Variants in CYP4X1 observed in about 807,000 individuals in gnomAD.
CYP4X1 encodes the protein cytochrome P450 family 4 subfamily X member 1.
Under a neutral mutation model 57.9 loss-of-function variants are expected in CYP4X1, and 44 were observed. The observed-to-expected ratio is 0.76, with a 90% confidence interval of 0.60 to 0.98. The LOEUF (loss-of-function observed/expected upper bound fraction) is 0.98, where lower values mean the gene tolerates loss of function less well. CYP4X1 is among the 50% of genes least tolerant of loss of function. CYP4X1 has a pLI of 0.00. For synonymous variants in CYP4X1, 227 were observed against 228.6 expected, an observed-to-expected ratio of 0.99 and a Z score of 0.06; for missense variants, 532 against 623.9, an observed-to-expected ratio of 0.85 and a Z score of 1.57.
the CYP4X1 span, among the ~76,000 whole-genome samples, chr1:47,017,178 C>G: frequency 6.6e-6 from 1 of 152,214 alleles, no homozygotes; most frequent in Non-Finnish European, 1.5e-5. Context: ...GTGCAGATAT[C>G]TCTTTGATAT....
At chr1:47,019,494 CTA>C (rs1384426634), upstream of CYP4X1, among the ~76,000 whole-genome samples, 3 of 152,202 alleles carry the variant, frequency 2.0e-5, no homozygotes, top group Non-Finnish European at 4.4e-5. Context: ...GGCACTGGCT[CTA>C]TCAATTTCTA....
At chr1:47,025,052 A>G (rs564556034) in intron 1 of CYP4X1, among the ~76,000 whole-genome samples, 1 of 152,198 alleles carries the variant, frequency 6.6e-6, no homozygotes, top group Non-Finnish European at 1.5e-5. Context: ...ACCAAGCCTC[A>G]TGTTGAAATT....
intron 8 of CYP4X1, 101 bp from the exon 9 acceptor site, chr1:47,046,366 G>A (rs1182147470): frequency 1.1e-5 from 17 of 1,509,480 alleles, no homozygotes; most frequent in African/African-American, 2.8e-5. Context: ...GTGGCAAAAT[G>A]GCTTTAACCT....
chr1:47,039,289 CA>C (rs1644219059), intron 7 of CYP4X1, 52 bp from the exon 8 acceptor site: 1 of 1,470,742 alleles, frequency 6.8e-7, no homozygotes, highest in African/African-American at 1.4e-5. Context: ...GTTGTATCTC[CA>C]AACATTTATA....
chr1:46,990,174 A>G, the CYP4X1 span, among the ~76,000 whole-genome samples: 12 of 152,270 alleles, frequency 7.9e-5, no homozygotes, highest in African/African-American at 2.9e-4. Context: ...AATATCCAGA[A>G]TCTACAAAGA....
the CYP4X1 span, among the ~76,000 whole-genome samples, chr1:46,982,175 C>T: frequency 6.6e-6 from 1 of 152,048 alleles, no homozygotes; most frequent in Non-Finnish European, 1.5e-5. Context: ...AATTATTGTA[C>T]TATGTTTTTT....
At chr1:46,979,051 T>A in the CYP4X1 span, among the ~76,000 whole-genome samples, 1 of 151,866 alleles carries the variant, frequency 6.6e-6, no homozygotes, top group Non-Finnish European at 1.5e-5. Flanking sequence ...TCTCCTAACA[T>A]CACAATTAAA....
the CYP4X1 span, among the ~76,000 whole-genome samples, chr1:47,008,917 A>G: frequency 6.6e-6 from 1 of 152,250 alleles, no homozygotes; most frequent in African/African-American, 2.4e-5. Flanking sequence ...CCAGATTCAT[A>G]AAGCAAGTCC....
At chr1:46,967,698 A>G in the CYP4X1 span, 1 of 877,840 alleles carries the variant, frequency 1.1e-6, no homozygotes, top group Middle Eastern at 3.0e-4. Context: ...TGTCCCCACA[A>G]TGGTTAGGGA....
At chr1:47,025,096 A>C (rs1017969376) in intron 1 of CYP4X1, among the ~76,000 whole-genome samples, 4 of 152,032 alleles carry the variant, frequency 2.6e-5, no homozygotes, top group Admixed American at 6.5e-5. Flanking sequence ...ATCTGATGGG[A>C]GATCTTTGGG....
intron 4 of CYP4X1, among the ~76,000 whole-genome samples, chr1:47,034,103 A>G (rs1644152705): frequency 6.6e-6 from 1 of 152,218 alleles, no homozygotes; most frequent in South Asian, 2.1e-4. Context: ...ATTCAGAGGA[A>G]ACTCAAATTT....
upstream of CYP4X1, among the ~76,000 whole-genome samples, chr1:47,019,788 G>C (rs538182393): frequency 3.9e-5 from 6 of 152,290 alleles, no homozygotes; most frequent in African/African-American, 1.4e-4. Flanking sequence ...TGCATAATCT[G>C]TGCCTCAGTT....
chr1:46,981,356 A>G, the CYP4X1 span, among the ~76,000 whole-genome samples: 1 of 152,250 alleles, frequency 6.6e-6, no homozygotes. Flanking sequence ...GAAGACATTT[A>G]TGCAGCCAAA....
the CYP4X1 span, among the ~76,000 whole-genome samples, chr1:47,012,199 C>T: frequency 4.9e-4 from 75 of 152,106 alleles, no homozygotes; most frequent in African/African-American, 1.7e-3. Context: ...GAAAATGTGG[C>T]ACATATACAC....
chr1:46,998,361 G>A, the CYP4X1 span, among the ~76,000 whole-genome samples: 1 of 152,176 alleles, frequency 6.6e-6, no homozygotes, highest in East Asian at 1.9e-4. Context: ...TTTTTGTAGA[G>A]ACAGGGTCTC....
chr1:47,006,926 C>G, the CYP4X1 span, among the ~76,000 whole-genome samples: 1 of 152,200 alleles, frequency 6.6e-6, no homozygotes, highest in Non-Finnish European at 1.5e-5. Flanking sequence ...AACAAAGCGG[C>G]TGGGAAGCTC....
At chr1:47,049,899 T>C (rs1019344281) in intron 11 of CYP4X1, 101 bp from the exon 12 acceptor site, 2 of 1,214,784 alleles carry the variant, frequency 1.6e-6, no homozygotes, top group East Asian at 2.4e-5. Context: ...TGGAAAAATA[T>C]CACTTTACTG....
At chr1:47,037,473 TA>T (rs1271533373) in intron 6 of CYP4X1, among the ~76,000 whole-genome samples, 1 of 152,056 alleles carries the variant, frequency 6.6e-6, no homozygotes, top group African/African-American at 2.4e-5. Context: ...TAGTCAAATA[TA>T]TCAATATTTT....
the CYP4X1 span, among the ~76,000 whole-genome samples, chr1:47,017,179 T>C: frequency 0.059 from 8,980 of 152,312 alleles, 311 homozygotes; most frequent in East Asian, 0.18. Context: ...TGCAGATATC[T>C]CTTTGATATA....
Sources: allele counts gnomAD v4.1 joint callset (sites outside exome capture counted in the v4.1 genomes callset), GRCh38; gene constraint gnomAD v4.1.1; transcripts MANE v1.5; gene names NCBI Gene and HGNC (gene_info 2026-07-23, HGNC 2026-07-21).